Variants in NLK observed in about 807,000 individuals in gnomAD.
NLK encodes the protein nemo like kinase.
In NLK, 11 loss-of-function variants were observed where a neutral mutation model predicts 59.0. The ratio of observed to expected loss-of-function variants is 0.19; its 90% CI spans 0.12 to 0.31. The LOEUF is 0.31. NLK is among the 10% of genes least tolerant of loss of function. NLK has a pLI of 1.00. For missense variants in NLK, 410 were observed against 661.1 expected (o/e 0.62, Z 4.16); for synonymous variants, 235 against 235.9 (o/e 1.00, Z 0.03).
At chr17:28,052,274 A>G (rs1418839985) in intron 1 of NLK, among the ~76,000 whole-genome samples, 1 of 152,218 alleles carries the variant, frequency 6.6e-6, no homozygotes, top group Non-Finnish European at 1.5e-5. Flanking sequence ...ATAAAATTTA[A>G]TGTTCAGTAT....
At chr17:28,192,263 C>T (rs1474957934) in intron 10 of NLK, 50 bp downstream of exon 10, 7 of 939,050 alleles carry the variant, frequency 7.5e-6, no homozygotes, top group Non-Finnish European at 1.2e-5. Flanking sequence ...AAAAGGATGC[C>T]AGTGTTACTT....
At chr17:28,134,966 G>T (rs957660698) in intron 3 of NLK, among the ~76,000 whole-genome samples, 1 of 152,234 alleles carries the variant, frequency 6.6e-6, no homozygotes, top group Admixed American at 6.5e-5. Flanking sequence ...AGATTACCTG[G>T]GTCTTCATTG....
intron 5 of NLK, among the ~76,000 whole-genome samples, chr17:28,165,740 T>A (rs1451997648): frequency 6.6e-6 from 1 of 152,186 alleles, no homozygotes; most frequent in African/African-American, 2.4e-5. Flanking sequence ...AATGACGAAA[T>A]CATACTGATG....
intron 6 of NLK, among the ~76,000 whole-genome samples, chr17:28,169,475 C>T (rs571964303): frequency 1.3e-5 from 2 of 152,288 alleles, no homozygotes; most frequent in South Asian, 4.1e-4. Context: ...ATAATTTCCT[C>T]AGAGAATCCT....
At chr17:28,065,921 C>G (rs1009781953) in intron 1 of NLK, among the ~76,000 whole-genome samples, 23 of 152,176 alleles carry the variant, frequency 1.5e-4, no homozygotes, top group African/African-American at 5.1e-4. Flanking sequence ...TCCTCAAGTT[C>G]CTACTCCACC....
At chr17:28,159,030 G>A (rs1357782710) in intron 3 of NLK, among the ~76,000 whole-genome samples, 1 of 152,094 alleles carries the variant, frequency 6.6e-6, no homozygotes, top group East Asian at 1.9e-4. Flanking sequence ...GTTGAGGTAG[G>A]CCTCATTTGA....
At chr17:28,192,593 G>A (rs550744714) in intron 10 of NLK, among the ~76,000 whole-genome samples, 138 of 152,122 alleles carry the variant, frequency 9.1e-4, no homozygotes, top group African/African-American at 3.3e-3. Context: ...ACTTGAACCC[G>A]GGAGGCAGAG....
chr17:28,093,545 T>C (rs1445092609), intron 1 of NLK, among the ~76,000 whole-genome samples: 1 of 152,194 alleles, frequency 6.6e-6, no homozygotes, highest in Non-Finnish European at 1.5e-5. Flanking sequence ...AGCTTTGTAA[T>C]TGCTGCTTCA....
At chr17:28,135,376 C>T (rs568428172) in intron 3 of NLK, among the ~76,000 whole-genome samples, 4 of 152,252 alleles carry the variant, frequency 2.6e-5, no homozygotes, top group African/African-American at 7.2e-5. Flanking sequence ...CCTTAGCTGC[C>T]GAGTCTCCAG....
intron 1 of NLK, among the ~76,000 whole-genome samples, chr17:28,069,804 T>C (rs1011073606): frequency 2.6e-5 from 4 of 152,196 alleles, no homozygotes; most frequent in Non-Finnish European, 5.9e-5. Flanking sequence ...GATCAATCTA[T>C]TGTATTTTCT....
intron 8 of NLK, among the ~76,000 whole-genome samples, chr17:28,188,800 T>A (rs571191956): frequency 1.3e-5 from 2 of 152,322 alleles, no homozygotes; most frequent in African/African-American, 4.8e-5. Flanking sequence ...CATAATTAAA[T>A]CAGTGTATTT....
At chr17:28,048,370 TATTA>T (rs1416226094) in intron 1 of NLK, 1 of 159,814 alleles carries the variant, frequency 6.3e-6, no homozygotes, top group Non-Finnish European at 1.4e-5. Flanking sequence ...TACTGTCCAA[TATTA>T]ATTTAGAAAA....
chr17:28,093,147 G>A (rs1192769409), intron 1 of NLK, among the ~76,000 whole-genome samples: 1 of 152,064 alleles, frequency 6.6e-6, no homozygotes, highest in East Asian at 1.9e-4. Flanking sequence ...AGTTTTCTGA[G>A]ACTAAGAGTA....
intron 1 of NLK, among the ~76,000 whole-genome samples, chr17:28,058,001 T>G (rs1397691333): frequency 6.6e-6 from 1 of 152,182 alleles, no homozygotes; most frequent in Admixed American, 6.5e-5. Context: ...AGATACTATG[T>G]TTACAAGAAA....
intron 1 of NLK, among the ~76,000 whole-genome samples, chr17:28,085,811 G>A (rs1396200762): frequency 6.6e-6 from 1 of 152,140 alleles, no homozygotes. Flanking sequence ...TAAAGTCATA[G>A]TGCAACACCA....
intron 7 of NLK, among the ~76,000 whole-genome samples, chr17:28,180,655 T>G (rs1420264074): frequency 1.3e-5 from 2 of 152,204 alleles, no homozygotes; most frequent in African/African-American, 4.8e-5. Context: ...AAAAATAGTT[T>G]GAGTAGTTTC....
intron 7 of NLK, among the ~76,000 whole-genome samples, chr17:28,181,242 A>C (rs1213231979): frequency 6.6e-6 from 1 of 152,158 alleles, no homozygotes; most frequent in African/African-American, 2.4e-5. Context: ...CACTAAAAAT[A>C]CAAAAAAATT....
At chr17:28,118,440 G>A (rs887831332) in intron 1 of NLK, among the ~76,000 whole-genome samples, 1 of 152,118 alleles carries the variant, frequency 6.6e-6, no homozygotes, top group African/African-American at 2.4e-5. Flanking sequence ...ACACATGGGG[G>A]ATTCTTCACA....
chr17:28,192,765 T>G (rs1301299609), intron 10 of NLK, among the ~76,000 whole-genome samples: 2 of 152,216 alleles, frequency 1.3e-5, no homozygotes, highest in Non-Finnish European at 2.9e-5. Context: ...ACCATTGTGC[T>G]GCCTCATCAC....
Sources: allele counts gnomAD v4.1 joint callset (sites outside exome capture counted in the v4.1 genomes callset), GRCh38; gene constraint gnomAD v4.1.1; transcripts MANE v1.5; gene names NCBI Gene and HGNC (gene_info 2026-07-23, HGNC 2026-07-21).